PCDHGB3: variants seen among roughly 807,000 people sequenced by gnomAD.
PCDHGB3 encodes the protein protocadherin gamma subfamily B, 3, also known as protocadherin gamma-B3.
In PCDHGB3, 40 loss-of-function variants were observed where a neutral mutation model predicts 59.2. The observed-to-expected ratio is 0.68, with a 90% CI of 0.52 to 0.88. PCDHGB3 has a LOEUF of 0.88. Ranked by LOEUF, PCDHGB3 falls within the 40% of genes least tolerant of loss-of-function variation. PCDHGB3 has a pLI of 0.00. For synonymous variants in PCDHGB3, 581 were observed against 503.6 expected (o/e 1.15, Z -2.06); for missense variants, 1,309 against 1,187.9 (o/e 1.10, Z -1.50).
intron 1 of PCDHGB3, among the ~76,000 whole-genome samples, chr5:141,425,551 T>C (rs1472337722): frequency 1.3e-5 from 2 of 152,270 alleles, no homozygotes. Context: ...CAGAAACCTC[T>C]TTTATAAGTG....
At chr5:141,439,934 G>T (rs1477526863) in intron 1 of PCDHGB3, 2 of 152,382 alleles carry the variant, frequency 1.3e-5, no homozygotes, top group Admixed American at 1.3e-4. Context: ...ATCCTGCTGG[G>T]CATTCTCTAT....
At position 141,511,032 on chromosome 5, in the gene PCDHGB3, G is replaced by T. The variant is rs779589499; in HGVS notation, c.2649G>T (p.Gln883His). 6.2e-7 allele frequency: 1 copy of T among 1,614,228 alleles called. No individual in the cohort carries two copies. Among genetic ancestry groups the T allele is most frequent in the South Asian group, 1.1e-5 (1 of 91,090 alleles). ...GCTACGGACCCCAGTTCACCCTGCAGCACGTGCCCGACTACCGCCAGAATG... is the reference window on the plus strand; with the variant it reads ...GCTACGGACCCCAGTTCACCCTGCATCACGTGCCCGACTACCGCCAGAATG... ...SARYGPQFTLQHVPDYRQNVY... is the reference protein window; with the variant it reads ...SARYGPQFTLHHVPDYRQNVY... Residue 883 changes from glutamine (Q) to histidine (H), a missense_variant, in exon 4 of 4, where the codon CAG (glutamine) becomes CAT (histidine). Gln to His is a conservative substitution (Grantham distance 24, BLOSUM62 0). Coordinates refer to ENST00000576222, the MANE Select transcript of PCDHGB3 (RefSeq NM_018924.5).
intron 2 of PCDHGB3, among the ~76,000 whole-genome samples, chr5:141,495,703 GGAGT>G (rs2099763108): frequency 6.6e-6 from 1 of 152,098 alleles, no homozygotes; most frequent in South Asian, 2.1e-4. Context: ...CAATAAATGT[GGAGT>G]GAGTAACTAC....
In PCDHGB3 at chr5:141,431,770, T is replaced by G. The variant is rs748816389; in HGVS notation, c.2415+58961T>G. The G allele has an allele frequency of 3.7e-6, 6 of 1,614,204 alleles. No homozygotes were observed. In the South Asian group the frequency reaches 6.6e-5, roughly 18 times the overall value. ...CGCGAGCCAAAGTCCTGATCACTGT[T>G]CTGGACGTGAACGACAATGCCCCAG... On this transcript the variant is annotated intron_variant, in intron 1 of 3. Coordinates refer to ENST00000576222, the MANE Select transcript of PCDHGB3 (RefSeq NM_018924.5). The surrounding 1 kb of genome is among the most constrained non-coding windows in gnomAD (Gnocchi z 4.8).
intron 2 of PCDHGB3, among the ~76,000 whole-genome samples, chr5:141,498,009 C>T (rs1160103624): frequency 6.6e-6 from 1 of 152,146 alleles, no homozygotes; most frequent in African/African-American, 2.4e-5. Context: ...TTACAGTGCA[C>T]TGAAGGAGAC....
In PCDHGB3 at chr5:141,450,032, G is replaced by A. The variant is rs146567243; in HGVS notation, c.2416-44775G>A. Among the ~76,000 whole-genome samples the A allele has an allele frequency of 4.6e-3, 607 of 131,666 alleles. 4 individuals are homozygous for A. The highest frequency in any genetic ancestry group is 0.017 in the African/African-American group (550 of 33,158). The allele number at this position is 131,666 out of a possible 152,430, so 86.4% of individuals were successfully genotyped here. A position where few individuals can be genotyped will look rare whatever the true frequency, so the allele number is the denominator to read the frequency against. On this transcript the variant is annotated intron_variant, in intron 1 of 3. Transcript: ENST00000576222. ...TTTTTTTTTTTTTTTTTTGAGACAG[G>A]GTCTCACTCTTTCGCCCAGGCTGGA... is the stretch of plus-strand genomic sequence containing the variant.
intron 1 of PCDHGB3, chr5:141,389,562 G>T (rs1561626191): frequency 1.2e-6 from 2 of 1,613,284 alleles, no homozygotes; most frequent in Non-Finnish European, 1.7e-6. Context: ...TGCGCCACGG[G>T]TGCTGTACCC....
intron 1 of PCDHGB3, chr5:141,415,543 G>A (rs1561758242): frequency 6.2e-7 from 1 of 1,614,130 alleles, no homozygotes; most frequent in East Asian, 2.2e-5. Context: ...GGAGAGCTGT[G>A]AGAAAAACGA....
intron 1 of PCDHGB3, chr5:141,394,087 C>G (rs2092917292): frequency 6.2e-7 from 1 of 1,613,770 alleles, no homozygotes; most frequent in Admixed American, 1.7e-5. Flanking sequence ...GTGATGGCCT[C>G]AGATCTAGGA....
chr5:141,490,288 G>T lies in PCDHGB3; in HGVS notation c.2416-4519G>T, dbSNP rs2099698282. 1.2e-6 allele frequency: 2 copies of T among 1,614,080 alleles called. No homozygotes were observed. Among genetic ancestry groups the T allele is most frequent in the South Asian group, 1.1e-5 (1 of 91,092 alleles). On this transcript the variant is annotated intron_variant, in intron 1 of 3. Transcript: ENST00000576222. This position sits in a 1 kb window ranked among gnomAD's most constrained non-coding sequence, Gnocchi z 5.4. ...GGATGTCAATGACAATGCCCCAGAG[G>T]TGCTATTGGCCTCTTTGGCCAACCC...
At position 141,478,208 on chromosome 5, in the gene PCDHGB3, C is replaced by G. The variant is rs200735608; in HGVS notation, c.2416-16599C>G. The G allele has an allele frequency of 2.5e-6, 4 of 1,614,096 alleles. No individual in the cohort carries two copies. The East Asian group carries it at 8.9e-5, about 36-fold the overall frequency. ...TCTCACCTTTTATCTACTTCTTTCTCTAATCCTGGTTTCTGTGGGGTTTGT... is the reference window on the plus strand; with the variant it reads ...TCTCACCTTTTATCTACTTCTTTCTGTAATCCTGGTTTCTGTGGGGTTTGT... On this transcript the variant is annotated intron_variant, in intron 1 of 3. Coordinates refer to ENST00000576222, the MANE Select transcript of PCDHGB3 (RefSeq NM_018924.5).
rs183338714 is a variant in PCDHGB3, at chr5:141,373,869, G to A, written c.2415+1060G>A. On this transcript the variant is annotated intron_variant, in intron 1 of 3. Coordinates refer to ENST00000576222, the MANE Select transcript of PCDHGB3 (RefSeq NM_018924.5). ...TAAGCGTCGCTGTTGACCAACCTGG[G>A]CAAGAAAATCAACGGAAACTCAAGT... The A allele has an allele frequency of 4.3e-3, 2,030 of 471,178 alleles. 12 individuals carry two copies. Among genetic ancestry groups the A allele is most frequent in the Admixed American group, 0.01 (264 of 25,860 alleles). The allele number at this position is 471,178 out of a possible 1,614,324, so 29.2% of individuals were successfully genotyped here. A position where few individuals can be genotyped will look rare whatever the true frequency, so the allele number is the denominator to read the frequency against.
intron 1 of PCDHGB3, chr5:141,398,921 C>A: frequency 6.2e-7 from 1 of 1,613,962 alleles, no homozygotes; most frequent in African/African-American, 1.3e-5. Flanking sequence ...TTGCAAGTGT[C>A]AGCCACTGAC....
chr5:141,426,790 A>T, intron 1 of PCDHGB3: 1 of 456,732 alleles, frequency 2.2e-6, no homozygotes, highest in Middle Eastern at 3.3e-4. Flanking sequence ...CTCCAGAGTT[A>T]CCAGCTCAGT....
intron 1 of PCDHGB3, chr5:141,422,710 G>T: frequency 6.2e-7 from 1 of 1,603,486 alleles, no homozygotes; most frequent in African/African-American, 1.3e-5. Context: ...TCTGACGGAT[G>T]ACACTGTCCA....
intron 1 of PCDHGB3, chr5:141,471,339 C>G (rs537413312): frequency 2.6e-5 from 4 of 152,366 alleles, no homozygotes; most frequent in Admixed American, 2.6e-4. Context: ...GTATGATCCA[C>G]TGCGCCCGGC....
chr5:141,396,592 C>G (rs886214200), intron 1 of PCDHGB3: 3 of 151,870 alleles, frequency 2.0e-5, no homozygotes, highest in Admixed American at 2.0e-4. Context: ...TGCACTCCAG[C>G]CTGGGCAACA....
chr5:141,394,104 C>T (rs761567726), intron 1 of PCDHGB3: 1 of 1,613,824 alleles, frequency 6.2e-7, no homozygotes, highest in African/African-American at 1.3e-5. Flanking sequence ...AGGAACACCA[C>T]CTCTGTCCAC....
chr5:141,454,892 C>T (rs1389056318), intron 1 of PCDHGB3, among the ~76,000 whole-genome samples: 4 of 146,994 alleles, frequency 2.7e-5, no homozygotes, highest in Non-Finnish European at 5.9e-5. Context: ...ACTGCTAGCA[C>T]CGCCTCCCGG....
Sources: gnomAD v4.1 joint callset for allele counts (sites outside exome capture counted in the v4.1 genomes callset) on GRCh38, gnomAD v4.1.1 for gene constraint, Gnocchi (gnomAD v3.1) non-coding constraint, MANE v1.5 for transcripts, NCBI Gene and HGNC (gene_info 2026-07-23, HGNC 2026-07-21) for gene names.